IL3RA: variants seen among roughly 807,000 people sequenced by gnomAD.
IL3RA encodes the protein interleukin-3 receptor subunit alpha.
IL3RA carries 73 observed loss-of-function variants against 52.3 expected under a neutral mutation model. That is an observed-to-expected ratio of 1.40 (90% CI 1.16 to 1.70). The LOEUF (loss-of-function observed/expected upper bound fraction) is 1.70, where lower values mean the gene tolerates loss of function less well. Ranked by LOEUF, IL3RA falls within the 40% of genes most tolerant of loss-of-function variation. IL3RA has a pLI of 0.00. For synonymous variants in IL3RA, 260 were observed against 194.0 expected (o/e 1.34, Z -2.83); for missense variants, 664 against 504.4 (o/e 1.32, Z -3.03).
rs1481910717 is a variant in IL3RA at position 1,358,888 on chromosome X, G to A, written c.759+1G>A. On this transcript the variant is annotated splice_donor_variant, in intron 8 of 11. Transcript: ENST00000331035. LOFTEE classifies it high-confidence loss of function. ...AATGCAGCCTGTAATCACAGAACAGGTGAGTGTTCCCTACCCCCAGCCGCT... is the reference window on the plus strand; with the variant it reads ...AATGCAGCCTGTAATCACAGAACAGATGAGTGTTCCCTACCCCCAGCCGCT... The A allele has an allele frequency of 6.2e-7, 1 of 1,612,118 alleles. No individual in the cohort carries two copies. Among genetic ancestry groups the A allele is most frequent in the Non-Finnish European group, 8.5e-7 (1 of 1,179,074 alleles).
At position 1,365,326 on chromosome X, in the gene IL3RA, TG is replaced by T. The variant is rs2087868028; in HGVS notation, c.874+75del. The T allele has an allele frequency of 8.5e-6, 7 of 819,086 alleles. No homozygotes were observed. The Admixed American group carries it at 1.2e-4, about 14-fold the overall frequency. The allele number at this position is 819,086 out of a possible 1,614,324, so 50.7% of individuals were successfully genotyped here. A position where few individuals can be genotyped will look rare whatever the true frequency, so the allele number is the denominator to read the frequency against. The stretch of plus-strand genomic sequence containing the variant: ...CGCGGGGTGAGCGGGGTGCGCGGGG[TG>T]AGCGGGGTGCGCGGGGTGAGCGGGG... On this transcript the variant is annotated intron_variant, in intron 9 of 11. Transcript: ENST00000331035.
chrX:1,355,656 G>T (rs6422438), intron 6 of IL3RA, among the ~76,000 whole-genome samples: 106,033 of 142,660 alleles, frequency 0.74, 39,836 homozygotes, highest in African/African-American at 0.84. Flanking sequence ...CCTGGGGGGC[G>T]GAGGTGGGGG....
Position 1,381,051 on chromosome X carries a change from C to G in IL3RA, c.1009C>G (p.Arg337Gly), listed in dbSNP as rs140752269. ...TCTGGTGATGCAGAGACTCTTTCCC[C>G]GCATCCCTCACATGAAAGACCCCAT... ...RYLVMQRLFPRIPHMKDPIGD... is the reference protein window; with the variant it reads ...RYLVMQRLFPGIPHMKDPIGD... Residue 337 changes from arginine to glycine, a missense_variant, in exon 11 of 12, where the codon CGC becomes GGC. Physicochemically the swap from Arg to Gly is moderately radical, Grantham distance 125. Coordinates refer to ENST00000331035, the MANE Select transcript of IL3RA (RefSeq NM_002183.4). 2.5e-6 allele frequency: 4 copies of G among 1,613,658 alleles called. No individual in the cohort carries two copies. In the African/African-American group the frequency reaches 4.0e-5, roughly 16 times the overall value.
At chrX:1,366,609 A>C (rs1183053137) in intron 9 of IL3RA, among the ~76,000 whole-genome samples, 4 of 19,020 alleles carry the variant, frequency 2.1e-4, no homozygotes, top group South Asian at 2.9e-3. Flanking sequence ...GCGCGGGGTG[A>C]GCGGGGTGCG....
At position 1,379,163 on chromosome X, in the gene IL3RA, GATT is replaced by G. The variant is rs754318010; in HGVS notation, c.980+409_980+411del. Among the ~76,000 whole-genome samples the G allele has an allele frequency of 1.8e-4, 26 of 142,518 alleles. 1 individual carries two copies. In the East Asian group the frequency reaches 5.0e-3, roughly 27 times the overall value. 93.5% of individuals were successfully genotyped at this position (142,518 alleles called of 152,430 possible). A position where few individuals can be genotyped will look rare whatever the true frequency, so the allele number is the denominator to read the frequency against. On this transcript the variant is annotated intron_variant, in intron 10 of 11. Transcript: ENST00000331035. ...TGGCCCATATTATTATTATTGTTAT[GATT>G]ATTATTATTTTTTGAGTCTTGCTCT...
At chrX:1,346,207 G>C (rs1370341991) in intron 3 of IL3RA, among the ~76,000 whole-genome samples, 1 of 151,942 alleles carries the variant, frequency 6.6e-6, no homozygotes, top group Non-Finnish European at 1.5e-5. Flanking sequence ...GAGAGGCTGA[G>C]GCGGATGGAT....
At position 1,363,457 on chromosome X, in the gene IL3RA, G is replaced by C. The variant is rs761816572; in HGVS notation, c.760-1681G>C. ...CTGGGACCTCAGGCGCCCGCCACCG[G>C]GCCCGGCTAATTTTTTGTATTTTTA... On this transcript the variant is annotated intron_variant, in intron 8 of 11. Coordinates refer to ENST00000331035, the MANE Select transcript of IL3RA (RefSeq NM_002183.4). 1.7e-3 allele frequency among the ~76,000 whole-genome samples: 253 copies of C among 151,750 alleles called. 1 individual carries two copies. The highest frequency in any genetic ancestry group is 2.3e-3 in the Non-Finnish European group (153 of 67,898).
intron 8 of IL3RA, among the ~76,000 whole-genome samples, chrX:1,364,747 T>C (rs2087774769): frequency 6.6e-6 from 1 of 151,822 alleles, no homozygotes; most frequent in African/African-American, 2.4e-5. Flanking sequence ...AAAAGTGCTG[T>C]GGTGAGAGGC....
chrX:1,348,646 CTTT>C (rs2085896542), intron 4 of IL3RA, 101 bp downstream of exon 4: 1 of 281,524 alleles, frequency 3.6e-6, no homozygotes, highest in East Asian at 7.0e-5. Context: ...TTCTTTTTCT[CTTT>C]CTTTCTTTCT....
chrX:1,359,076 A>T lies in IL3RA; in HGVS notation c.759+189A>T, dbSNP rs185545644. 1.2e-4 allele frequency among the ~76,000 whole-genome samples: 19 copies of T among 152,200 alleles called. 1 individual carries two copies. The East Asian group carries it at 3.7e-3, about 29-fold the overall frequency. On this transcript the variant is annotated intron_variant, in intron 8 of 11. Coordinates refer to ENST00000331035, the MANE Select transcript of IL3RA (RefSeq NM_002183.4). ...GGACAGACTCTTGAGTGTCACCCTT[A>T]CTGCGATCTTGCAAAATTGGGATAT...
chrX:1,362,468 C>T (rs1475283754), intron 8 of IL3RA, among the ~76,000 whole-genome samples: 1 of 151,496 alleles, frequency 6.6e-6, no homozygotes, highest in Non-Finnish European at 1.5e-5. Flanking sequence ...CTGTTTCTAT[C>T]TGTCTCTCTC....
At chrX:1,379,905 G>A (rs2089058106) in intron 10 of IL3RA, among the ~76,000 whole-genome samples, 1 of 152,158 alleles carries the variant, frequency 6.6e-6, no homozygotes, top group African/African-American at 2.4e-5. Flanking sequence ...GGATTACAAG[G>A]ATGTGCCACC....
In IL3RA at chrX:1,347,787, C is replaced by G. The variant is rs1329407116; in HGVS notation, c.184-644C>G. Among the ~76,000 whole-genome samples the G allele has an allele frequency of 3.9e-5, 6 of 151,946 alleles. 1 individual carries two copies. Among genetic ancestry groups the G allele is most frequent in the African/African-American group, 7.3e-5 (3 of 41,342 alleles). ...GGCGCGGTGGCTCACGCCTGTCATC[C>G]CAGCACTTTGGGAGGCCGAGGAGGG... On this transcript the variant is annotated intron_variant, in intron 3 of 11. Transcript: ENST00000331035.
At chrX:1,343,592 G>A (rs1490132749) in intron 2 of IL3RA, among the ~76,000 whole-genome samples, 7 of 149,544 alleles carry the variant, frequency 4.7e-5, no homozygotes, top group South Asian at 2.1e-4. Flanking sequence ...ACTTGAACCC[G>A]GGAGGCGGAG....
chrX:1,348,651 T>TTTCTTTCTTTCTTTCC (rs1569520680), intron 4 of IL3RA, 106 bp downstream of exon 4: 58 of 375,712 alleles, frequency 1.5e-4, no homozygotes, highest in Non-Finnish European at 2.3e-4. Flanking sequence ...TTTCTCTTTC[T>TTTCTTTCTTTCTTTCC]TTCTTTCTTT....
At chrX:1,362,691 T>A (rs1259659950) in intron 8 of IL3RA, among the ~76,000 whole-genome samples, 1 of 152,150 alleles carries the variant, frequency 6.6e-6, no homozygotes, top group African/African-American at 2.4e-5. Flanking sequence ...GACTCTGGGG[T>A]CCCTGGGCTT....
intron 8 of IL3RA, 66 bp from the exon 9 acceptor site, chrX:1,365,072 G>C: frequency 8.3e-7 from 1 of 1,205,250 alleles, no homozygotes; most frequent in Non-Finnish European, 1.2e-6. Context: ...GCCTCCCTAA[G>C]TGCCCAGGTG....
chrX:1,368,139 G>A (rs2088312430), intron 9 of IL3RA, among the ~76,000 whole-genome samples: 1 of 152,236 alleles, frequency 6.6e-6, no homozygotes. Context: ...GGCGCCTGTA[G>A]TCCCAGCTAC....
chrX:1,347,004 C>T (rs1275814467), intron 3 of IL3RA, among the ~76,000 whole-genome samples: 4 of 150,776 alleles, frequency 2.7e-5, no homozygotes, highest in Non-Finnish European at 5.9e-5. Context: ...TTTACCATAC[C>T]ATGGCAAACT....
Sources: gnomAD v4.1 joint callset for allele counts (sites outside exome capture counted in the v4.1 genomes callset) on GRCh38, gnomAD v4.1.1 for gene constraint, MANE v1.5 for transcripts, NCBI Gene and HGNC (gene_info 2026-07-23, HGNC 2026-07-21) for gene names.